LPCAT1: variants seen among roughly 807,000 people sequenced by gnomAD.
LPCAT1 encodes 1-acylglycerol-3-phosphate O-acyltransferase.
In LPCAT1, 23 loss-of-function variants were observed where a neutral mutation model predicts 60.9. The ratio of observed to expected loss-of-function variants is 0.38; its 90% confidence interval spans 0.27 to 0.53. LPCAT1 has a LOEUF of 0.53. Among genes scored for constraint, LPCAT1 ranks in the 20% least tolerant of loss-of-function variants. LPCAT1 has a pLI of 0.82. For synonymous variants in LPCAT1, 340 were observed against 301.1 expected, an observed-to-expected ratio of 1.13 and a Z score of -1.34; for missense variants, 622 against 723.6, an observed-to-expected ratio of 0.86 and a Z score of 1.61.
rs1560986001 is a variant in LPCAT1 at position 1,502,546 on chromosome 5, G to T, written c.136-943C>A. Among the ~76,000 whole-genome samples, 1 of 152,150 alleles carries T rather than the reference G, an allele frequency of 6.6e-6. No individual in the cohort carries two copies. Among genetic ancestry groups the T allele is most frequent in the Non-Finnish European group, 1.5e-5 (1 of 68,022 alleles). ...AGGAAGGCCCCCCAAGCCAGGGCAG[G>T]CCCCCACGCCAGGGAAGGCCGAGGC... is the stretch of plus-strand genomic sequence containing the variant. On this transcript the variant is annotated intron_variant, in intron 1 of 13. Coordinates refer to ENST00000283415, the MANE Select transcript of LPCAT1 (RefSeq NM_024830.5). This position sits in a 1 kb window ranked among gnomAD's most constrained non-coding sequence, Gnocchi z 5.5.
In LPCAT1 at chr5:1,522,892, C is replaced by T. The variant is rs1220075209; in HGVS notation, c.135+818G>A. Among the ~76,000 whole-genome samples the T allele has an allele frequency of 6.6e-6, 1 of 152,180 alleles. No individual in the cohort carries two copies. Among genetic ancestry groups the T allele is most frequent in the Non-Finnish European group, 1.5e-5 (1 of 68,032 alleles). On this transcript the variant is annotated intron_variant, in intron 1 of 13. Coordinates refer to ENST00000283415, the MANE Select transcript of LPCAT1 (RefSeq NM_024830.5). The surrounding 1 kb of genome is among the most constrained non-coding windows in gnomAD (Gnocchi z 6.8). ...AAAGCCAGGCTGAGCCAGCACATCC[C>T]CGGTGCAGCTTCCTGCAGCGAGCGG...
chr5:1,471,636 A>C (rs1031466744), intron 11 of LPCAT1, among the ~76,000 whole-genome samples: 4 of 150,728 alleles, frequency 2.7e-5, no homozygotes, highest in Non-Finnish European at 4.4e-5. Context: ...AAGGGCAACC[A>C]GGAGTGGAGG....
At chr5:1,468,674 C>G (rs1288368071) in intron 12 of LPCAT1, among the ~76,000 whole-genome samples, 1 of 152,246 alleles carries the variant, frequency 6.6e-6, no homozygotes, top group Non-Finnish European at 1.5e-5. Context: ...AGGTTTTACA[C>G]AGTAATGATA....
At chr5:1,505,998 C>G (rs1736175697) in intron 1 of LPCAT1, among the ~76,000 whole-genome samples, 1 of 152,246 alleles carries the variant, frequency 6.6e-6, no homozygotes, top group Non-Finnish European at 1.5e-5. Context: ...CGTGGTGCAT[C>G]AGGGAATGCG....
Position 1,463,810 on chromosome 5 carries a change from C to G in LPCAT1, c.1446G>C (p.Met482Ile). 6.2e-7 allele frequency: 1 copy of G among 1,614,226 alleles called. No individual in the cohort carries two copies. The highest frequency in any genetic ancestry group is 8.5e-7 in the Non-Finnish European group (1 of 1,180,030). ...GGTATTCCTCTGCGAAGGCAGGGTA[C>G]ATTTCTGCAAACCTGTGGAAGTCAG... Reference protein sequence around the residue: ...TFADFHRFAEMYPAFAEEYLY... With the variant: ...TFADFHRFAEIYPAFAEEYLY... Residue 482 changes from methionine (M) to isoleucine (I), a missense_variant, in exon 14 of 14, where the codon ATG (methionine) becomes ATC (isoleucine). Physicochemically the swap from Met to Ile is conservative, Grantham distance 10 (BLOSUM62 1). Transcript: ENST00000283415.
At chr5:1,489,417 A>G (rs1183611435) in intron 4 of LPCAT1, among the ~76,000 whole-genome samples, 1 of 152,240 alleles carries the variant, frequency 6.6e-6, no homozygotes, top group African/African-American at 2.4e-5. Flanking sequence ...ACCACCCAAC[A>G]CACAGCAGGC....
intron 12 of LPCAT1, 58 bp downstream of exon 12, chr5:1,470,768 G>T: frequency 7.6e-7 from 1 of 1,307,822 alleles, no homozygotes; most frequent in Non-Finnish European, 1.1e-6. Flanking sequence ...GAACAATGGT[G>T]CTGACGTGAC....
chr5:1,474,550 A>T lies in LPCAT1; in HGVS notation c.1025+10T>A. Reference sequence around the variant, plus strand: ...AGCTAATGCTCAAGGAAGAAGAACCAGGTACTCACCCGAGGCCCCGCACGA... The same window carrying T: ...AGCTAATGCTCAAGGAAGAAGAACCTGGTACTCACCCGAGGCCCCGCACGA... On this transcript the variant is annotated intron_variant, in intron 10 of 13. Coordinates refer to ENST00000283415, the MANE Select transcript of LPCAT1 (RefSeq NM_024830.5). 1 of 1,613,588 alleles carries T rather than the reference A, an allele frequency of 6.2e-7. No individual in the cohort carries two copies. The highest frequency in any genetic ancestry group is 8.5e-7 in the Non-Finnish European group (1 of 1,179,792).
chr5:1,519,571 T>C (rs1736608641), intron 1 of LPCAT1, among the ~76,000 whole-genome samples: 1 of 152,230 alleles, frequency 6.6e-6, no homozygotes. Flanking sequence ...TCAGGGCTCC[T>C]TGTGAGGTGA....
intron 1 of LPCAT1, among the ~76,000 whole-genome samples, chr5:1,503,529 C>T (rs568009302): frequency 5.3e-5 from 8 of 152,316 alleles, no homozygotes; most frequent in Admixed American, 2.0e-4. Flanking sequence ...CTGTGCAGCT[C>T]CCTGTTAGGA....
At position 1,481,166 on chromosome 5, in the gene LPCAT1, C is replaced by G. The variant is rs143573719; in HGVS notation, c.727-190G>C. Among the ~76,000 whole-genome samples, 55 of 152,274 alleles carry G rather than the reference C, an allele frequency of 3.6e-4. No individual in the cohort carries two copies. The East Asian group carries it at 5.2e-3, about 14-fold the overall frequency. On this transcript the variant is annotated intron_variant, in intron 6 of 13. Coordinates refer to ENST00000283415, the MANE Select transcript of LPCAT1 (RefSeq NM_024830.5). This position sits in a 1 kb window ranked among gnomAD's most constrained non-coding sequence, Gnocchi z 7.8. ...GGATCCAGGACTCGGACCAGCCCCC[C>G]AGCCTGAGGTCCCCAGAGCCTCTAA... is the stretch of plus-strand genomic sequence containing the variant.
rs569698078 is a variant in LPCAT1, at chr5:1,518,810, T to C, written c.135+4900A>G. 1.0e-3 allele frequency among the ~76,000 whole-genome samples: 159 copies of C among 152,322 alleles called. 2 individuals are homozygous for C. Among genetic ancestry groups the C allele is most frequent in the African/African-American group, 3.7e-3 (153 of 41,572 alleles). Reference sequence around the variant, plus strand: ...GGACCCAGGCAAGAGGCCAGCATCATTCTGAAATGCGTAAAAACATGTGCT... The same window carrying C: ...GGACCCAGGCAAGAGGCCAGCATCACTCTGAAATGCGTAAAAACATGTGCT... On this transcript the variant is annotated intron_variant, in intron 1 of 13. Coordinates refer to ENST00000283415, the MANE Select transcript of LPCAT1 (RefSeq NM_024830.5).
At chr5:1,505,415 G>C (rs1381348144) in intron 1 of LPCAT1, among the ~76,000 whole-genome samples, 1 of 151,768 alleles carries the variant, frequency 6.6e-6, no homozygotes, top group Non-Finnish European at 1.5e-5. Context: ...GTAACCCATG[G>C]TGTTCCTGAA....
intron 2 of LPCAT1, among the ~76,000 whole-genome samples, chr5:1,498,124 T>C (rs1404326056): frequency 6.6e-6 from 1 of 152,244 alleles, no homozygotes; most frequent in Non-Finnish European, 1.5e-5. Flanking sequence ...AACATCAATC[T>C]ATTCAAAACT....
Position 1,483,608 on chromosome 5 carries a change from A to T in LPCAT1, c.668-122T>A. 1.1e-6 allele frequency: 1 copy of T among 910,818 alleles called. No homozygotes were observed. The highest frequency in any genetic ancestry group is 1.7e-6 in the Non-Finnish European group (1 of 572,776). The allele number at this position is 910,818 out of a possible 1,614,324, so 56.4% of individuals were successfully genotyped here. A position where few individuals can be genotyped will look rare whatever the true frequency, so the allele number is the denominator to read the frequency against. Reference sequence around the variant, plus strand: ...TCTGTCTAGGCCTTCCTGGTCAGCAAGGGCACTCCATGCCTGGACTATCTC... The same window carrying T: ...TCTGTCTAGGCCTTCCTGGTCAGCATGGGCACTCCATGCCTGGACTATCTC... On this transcript the variant is annotated intron_variant, in intron 5 of 13. Coordinates refer to ENST00000283415, the MANE Select transcript of LPCAT1 (RefSeq NM_024830.5). This position sits in a 1 kb window ranked among gnomAD's most constrained non-coding sequence, Gnocchi z 9.2.
At chr5:1,490,872 C>G (rs538788227) in intron 3 of LPCAT1, among the ~76,000 whole-genome samples, 1 of 152,170 alleles carries the variant, frequency 6.6e-6, no homozygotes, top group African/African-American at 2.4e-5. Context: ...GATCCACACT[C>G]GGCGCCCCCC....
intron 9 of LPCAT1, among the ~76,000 whole-genome samples, chr5:1,475,954 T>C (rs1734897876): frequency 6.6e-6 from 1 of 152,232 alleles, no homozygotes; most frequent in African/African-American, 2.4e-5. Context: ...GGGGTTTTGC[T>C]GACGGTGGCA....
intron 2 of LPCAT1, among the ~76,000 whole-genome samples, chr5:1,499,057 C>T (rs1488504737): frequency 6.6e-6 from 1 of 152,246 alleles, no homozygotes; most frequent in Non-Finnish European, 1.5e-5. Flanking sequence ...TCACGGGACA[C>T]TTCACACGTG....
At position 1,483,534 on chromosome 5, in the gene LPCAT1, C is replaced by G; in HGVS notation, c.668-48G>C. ...GTTGCCCATGGCAGCCCACGCAGGA[C>G]AGCGTCTGCTGCGTTTCTCATGCTG... On this transcript the variant is annotated intron_variant, in intron 5 of 13. Transcript: ENST00000283415. The surrounding 1 kb of genome is among the most constrained non-coding windows in gnomAD (Gnocchi z 9.2). 1.8e-5 allele frequency: 29 copies of G among 1,586,626 alleles called. No homozygotes were observed. The highest frequency in any genetic ancestry group is 2.4e-5 in the Non-Finnish European group (28 of 1,156,882).
Sources: allele counts gnomAD v4.1 joint callset (sites outside exome capture counted in the v4.1 genomes callset), GRCh38; gene constraint gnomAD v4.1.1; non-coding constraint Gnocchi (gnomAD v3.1); transcripts MANE v1.5; gene names NCBI Gene and HGNC (gene_info 2026-07-23, HGNC 2026-07-21).